The following ANKRD24 variants were observed in gnomAD, a reference collection of about 807,000 sequenced individuals.
ANKRD24 encodes ankyrin repeat domain 24.
In ANKRD24, 109 loss-of-function variants were observed where a neutral mutation model predicts 127.8. That is an observed-to-expected ratio of 0.85 (90% CI 0.73 to 1.00). The LOEUF is 1.00. Among genes scored for constraint, ANKRD24 ranks in the 50% least tolerant of loss-of-function variants. ANKRD24 has a pLI of 0.00. For synonymous variants in ANKRD24, 743 were observed against 671.1 expected (o/e 1.11, Z -1.66); for missense variants, 1,648 against 1,570.2 (o/e 1.05, Z -0.84).
At chr19:4,204,428 G>A (rs745680536) in intron 7 of ANKRD24, among the ~76,000 whole-genome samples, 9 of 152,110 alleles carry the variant, frequency 5.9e-5, no homozygotes, top group Non-Finnish European at 1.0e-4. Context: ...AATCCAGGTC[G>A]TCTGACCTCA....
In ANKRD24 at chr19:4,216,712, G is replaced by A; in HGVS notation, c.1552G>A (p.Val518Ile). Residue 518 changes from valine (V) to isoleucine (I), a missense_variant, in exon 18 of 22, where the codon GTC (valine) becomes ATC (isoleucine). Coordinates refer to ENST00000318934, the MANE Select transcript of ANKRD24 (RefSeq NM_001393985.1). ...QALRQQETREVPREEGAACGE... is the reference protein window; with the variant it reads ...QALRQQETREIPREEGAACGE... ...CCTGAGGCAGCAGGAGACACGAGAGGTCCCCAGAGAAGAGGGGGCAGCCTG... is the reference window on the plus strand; with the variant it reads ...CCTGAGGCAGCAGGAGACACGAGAGATCCCCAGAGAAGAGGGGGCAGCCTG... 2.5e-6 allele frequency: 4 copies of A among 1,579,268 alleles called. No homozygotes were observed. The highest frequency in any genetic ancestry group is 3.4e-6 in the Non-Finnish European group (4 of 1,163,064).
intron 13 of ANKRD24, 125 bp from the exon 14 acceptor site, chr19:4,212,350 A>T: frequency 8.8e-7 from 1 of 1,133,654 alleles, no homozygotes; most frequent in Non-Finnish European, 1.3e-6. Context: ...GGCAGAATTC[A>T]GTAGGTGCTG....
intron 2 of ANKRD24, among the ~76,000 whole-genome samples, chr19:4,187,987 G>A (rs1163707609): frequency 3.3e-5 from 5 of 152,224 alleles, no homozygotes; most frequent in East Asian, 3.8e-4. Context: ...CAGAGAGTGC[G>A]AGTGAGTGGG....
chr19:4,210,406 G>C, intron 13 of ANKRD24, 34 bp downstream of exon 13: 4 of 1,488,888 alleles, frequency 2.7e-6, no homozygotes, highest in Non-Finnish European at 3.6e-6. Context: ...GCGTGGGCCA[G>C]CCTGGGTGGG....
chr19:4,197,731 G>A (rs60806407), intron 2 of ANKRD24, among the ~76,000 whole-genome samples: 4,221 of 152,198 alleles, frequency 0.028, 197 homozygotes, highest in African/African-American at 0.096. Flanking sequence ...AAGGGTGAGC[G>A]AATAAACAAA....
At position 4,198,663 on chromosome 19, in the gene ANKRD24, TG is replaced by T; in HGVS notation, c.37-1013del. 2.6e-6 allele frequency: 1 copy of T among 391,198 alleles called. No homozygotes were observed. Among genetic ancestry groups the T allele is most frequent in the Non-Finnish European group, 4.5e-6 (1 of 222,070 alleles). 24.2% of individuals were successfully genotyped at this position (391,198 alleles called of 1,614,324 possible). A position where few individuals can be genotyped will look rare whatever the true frequency, so the allele number is the denominator to read the frequency against. On this transcript the variant is annotated intron_variant, in intron 2 of 21. Coordinates refer to ENST00000318934, the MANE Select transcript of ANKRD24 (RefSeq NM_001393985.1). The surrounding 1 kb of genome is among the most constrained non-coding windows in gnomAD (Gnocchi z 6.1). ...GGGAAAGATGGTCGGCGGCGGGGGGTGGGGGGGAACAGAGGTTGGGGCAGCT... is the reference window on the plus strand; with the variant it reads ...GGGAAAGATGGTCGGCGGCGGGGGGTGGGGGGAACAGAGGTTGGGGCAGCT...
intron 7 of ANKRD24, among the ~76,000 whole-genome samples, chr19:4,204,961 G>A (rs1293019171): frequency 6.6e-6 from 1 of 152,188 alleles, no homozygotes; most frequent in East Asian, 1.9e-4. Flanking sequence ...ATTAAGGCCG[G>A]GTGCAGTGGC....
chr19:4,224,109 C>G lies in ANKRD24; in HGVS notation c.3298-18C>G. The G allele has an allele frequency of 1.2e-6, 2 of 1,610,256 alleles. No homozygotes were observed. On this transcript the variant is annotated intron_variant, in intron 20 of 21. Coordinates refer to ENST00000318934, the MANE Select transcript of ANKRD24 (RefSeq NM_001393985.1). ...AGGTGCTCCTGCTCTTCTGAGCGCC[C>G]CTTCCTCATGCCCACAGGAAGCTGC...
At chr19:4,219,285 C>CA (rs56770537) in intron 18 of ANKRD24, among the ~76,000 whole-genome samples, 50,951 of 147,774 alleles carry the variant, frequency 0.34, 9,846 homozygotes, top group East Asian at 0.45. Flanking sequence ...GACTCTGTCT[C>CA]AAAAAAAAAC....
intron 20 of ANKRD24, among the ~76,000 whole-genome samples, chr19:4,223,909 A>G (rs1241683946): frequency 6.6e-6 from 1 of 152,086 alleles, no homozygotes; most frequent in African/African-American, 2.4e-5. Flanking sequence ...ATGTTGGTCC[A>G]GGCTGGTCTT....
chr19:4,184,760 G>A (rs1599383723), intron 1 of ANKRD24, among the ~76,000 whole-genome samples: 1 of 152,144 alleles, frequency 6.6e-6, no homozygotes, highest in Admixed American at 6.6e-5. Flanking sequence ...CCGGTGGAGG[G>A]GTAGATGAAT....
chr19:4,197,724 G>A (rs796681379), intron 2 of ANKRD24, among the ~76,000 whole-genome samples: 19 of 152,046 alleles, frequency 1.2e-4, no homozygotes, highest in African/African-American at 4.6e-4. Context: ...TGAATGAAAG[G>A]GTGAGCGAAT....
chr19:4,187,095 G>A (rs1968107716), intron 2 of ANKRD24, among the ~76,000 whole-genome samples: 2 of 152,174 alleles, frequency 1.3e-5, no homozygotes, highest in African/African-American at 2.4e-5. Context: ...CCCAGAGGAG[G>A]TGGTATTAAA....
chr19:4,224,099 T>C, intron 20 of ANKRD24, 28 bp from the exon 21 acceptor site: 4 of 1,607,226 alleles, frequency 2.5e-6, no homozygotes, highest in Non-Finnish European at 3.4e-6. Flanking sequence ...CTCCTGCTCT[T>C]CTGAGCGCCC....
rs747712572 is a variant in ANKRD24 at position 4,207,965 on chromosome 19, AGC to A, written c.831_832del (p.Ala278ProfsTer5). The stretch of plus-strand genomic sequence containing the variant: ...GGCGGCCCAGCGCCCCTCCCCACCC[AGC>A]GGTATGCAAGCCCCACCTCCCCAAT... ...QEAAQRPSPP[S>X]ALTEDDSGEA... On this transcript the variant is annotated frameshift_variant and splice_region_variant, in exon 10 of 22. Transcript: ENST00000318934. LOFTEE classifies it high-confidence loss of function. The A allele has an allele frequency of 5.4e-6, 8 of 1,490,636 alleles. No homozygotes were observed. Among genetic ancestry groups the A allele is most frequent in the Non-Finnish European group, 7.1e-6 (8 of 1,121,992 alleles). The allele number at this position is 1,490,636 out of a possible 1,614,324, so 92.3% of individuals were successfully genotyped here.
At chr19:4,191,514 G>A (rs1187060459) in intron 2 of ANKRD24, among the ~76,000 whole-genome samples, 3 of 151,366 alleles carry the variant, frequency 2.0e-5, no homozygotes, top group African/African-American at 4.9e-5. Context: ...ACAGAGTCTC[G>A]CTGTGTTGCC....
rs1052844804 is a variant in ANKRD24, at chr19:4,199,641, C to T, written c.37-42C>T. 4.7e-6 allele frequency: 7 copies of T among 1,500,076 alleles called. No homozygotes were observed. The African/African-American group carries it at 8.5e-5, about 18-fold the overall frequency. The allele number at this position is 1,500,076 out of a possible 1,614,324, so 92.9% of individuals were successfully genotyped here. A position where few individuals can be genotyped will look rare whatever the true frequency, so the allele number is the denominator to read the frequency against. The stretch of plus-strand genomic sequence containing the variant: ...CTGGGGGTCGCAGGCTTGGGGGACA[C>T]TGTCTGAGGACCCCCTCGCCCAGGA... On this transcript the variant is annotated intron_variant, in intron 2 of 21. Transcript: ENST00000318934. The surrounding 1 kb of genome is among the most constrained non-coding windows in gnomAD (Gnocchi z 5.2).
chr19:4,191,234 G>T (rs543013591), intron 2 of ANKRD24, among the ~76,000 whole-genome samples: 1 of 152,140 alleles, frequency 6.6e-6, no homozygotes, highest in East Asian at 1.9e-4. Flanking sequence ...CTCCAGTTTC[G>T]CAGCAGGCAG....
At chr19:4,191,796 T>C (rs1466028105) in intron 2 of ANKRD24, among the ~76,000 whole-genome samples, 2 of 147,744 alleles carry the variant, frequency 1.4e-5, no homozygotes, top group Non-Finnish European at 3.0e-5. Flanking sequence ...TATTTATTTA[T>C]TTTGAGACAG....
Sources: gnomAD v4.1 joint callset for allele counts (sites outside exome capture counted in the v4.1 genomes callset) on GRCh38, gnomAD v4.1.1 for gene constraint, Gnocchi (gnomAD v3.1) non-coding constraint, MANE v1.5 for transcripts, NCBI Gene and HGNC (gene_info 2026-07-23, HGNC 2026-07-21) for gene names.